The following UNC5A variants were observed in gnomAD, a reference collection of about 807,000 sequenced individuals.
UNC5A encodes netrin receptor UNC5A.
UNC5A carries 20 observed loss-of-function variants against 87.4 expected under a neutral mutation model. The observed-to-expected ratio is 0.23, with a 90% CI of 0.16 to 0.33. UNC5A has a LOEUF of 0.33. Ranked by LOEUF, UNC5A falls within the 10% of genes least tolerant of loss-of-function variation. The pLI is 1.00. For missense variants in UNC5A, 844 were observed against 1,133.4 expected, an observed-to-expected ratio of 0.74 and a Z score of 3.67; for synonymous variants, 438 against 482.3, an observed-to-expected ratio of 0.91 and a Z score of 1.20.
At chr5:176,815,444 G>A (rs930144245) in intron 1 of UNC5A, among the ~76,000 whole-genome samples, 1 of 152,200 alleles carries the variant, frequency 6.6e-6, no homozygotes, top group Non-Finnish European at 1.5e-5. Context: ...AGGCAGTCAG[G>A]GTCAACTTCC....
chr5:176,832,754 G>T (rs1179097342), intron 1 of UNC5A, among the ~76,000 whole-genome samples: 1 of 152,240 alleles, frequency 6.6e-6, no homozygotes, highest in African/African-American at 2.4e-5. Context: ...AGTGGACTCA[G>T]ATCTGAGTTT....
In UNC5A at chr5:176,868,948, T is replaced by G. The variant is rs1758042002; in HGVS notation, c.705T>G (p.Ala235=). The change falls in exon 5 of 15, where the codon GCT becomes GCG. Residue 235 remains alanine (A), a synonymous_variant. Transcript: ENST00000329542. The part of the protein sequence containing the change: ...NIVARRRSAS[A]AVIVYVDGSW... ...TGGCACGTCGCCGCAGCGCCTCCGC[T>G]GCTGTCATCGTCTACGGTGGGCCCC... 1 of 1,607,650 alleles carries G rather than the reference T, an allele frequency of 6.2e-7. No homozygotes were observed.
At chr5:176,840,566 A>T (rs1349723329) in intron 1 of UNC5A, among the ~76,000 whole-genome samples, 1 of 152,136 alleles carries the variant, frequency 6.6e-6, no homozygotes, top group Admixed American at 6.5e-5. Flanking sequence ...TCTAGGATCC[A>T]TTGGTCCGGA....
rs775989875 is a variant in UNC5A, at chr5:176,874,660, G to A, written c.1378+94G>A. On this transcript the variant is annotated intron_variant, in intron 8 of 14. Coordinates refer to ENST00000329542, the MANE Select transcript of UNC5A (RefSeq NM_133369.3). The surrounding 1 kb of genome is among the most constrained non-coding windows in gnomAD (Gnocchi z 7.6). ...TTCCTCTCGTGCCCCTCGGTGTCCC[G>A]TGACAGATCAGCAAGGAAAGGGGGT... 189 of 1,385,390 alleles carry A rather than the reference G, an allele frequency of 1.4e-4. 1 individual carries two copies. The highest frequency in any genetic ancestry group is 2.4e-4 in the Admixed American group (9 of 37,138). The allele number at this position is 1,385,390 out of a possible 1,614,324, so 85.8% of individuals were successfully genotyped here.
intron 3 of UNC5A, 127 bp downstream of exon 3, chr5:176,868,400 A>T: frequency 6.7e-7 from 1 of 1,499,610 alleles, no homozygotes; most frequent in Non-Finnish European, 9.1e-7. Context: ...GGATGAGTGG[A>T]TAAAGTGCCT....
chr5:176,870,569 T>G, intron 6 of UNC5A, 35 bp downstream of exon 6: 2 of 1,544,392 alleles, frequency 1.3e-6, no homozygotes, highest in South Asian at 2.4e-5. Context: ...CTCTTCTGTT[T>G]GCCTGGATTG....
At chr5:176,823,222 G>T (rs1756771899) in intron 1 of UNC5A, among the ~76,000 whole-genome samples, 1 of 151,712 alleles carries the variant, frequency 6.6e-6, no homozygotes, top group Non-Finnish European at 1.5e-5. Flanking sequence ...CAGAGCTCTG[G>T]AGCCTGGGGA....
intron 1 of UNC5A, among the ~76,000 whole-genome samples, chr5:176,811,723 G>A (rs1031660855): frequency 1.3e-5 from 2 of 152,088 alleles, no homozygotes; most frequent in Non-Finnish European, 2.9e-5. Context: ...GCTGAGTTGA[G>A]CGTATGTGTC....
intron 1 of UNC5A, among the ~76,000 whole-genome samples, chr5:176,843,774 C>CG (rs1444777737): frequency 3.3e-5 from 5 of 152,190 alleles, no homozygotes; most frequent in Non-Finnish European, 5.9e-5. Context: ...CCAAGGAGGG[C>CG]GCCTCTCCTC....
chr5:176,821,525 T>G (rs1756727860), intron 1 of UNC5A, among the ~76,000 whole-genome samples: 1 of 152,196 alleles, frequency 6.6e-6, no homozygotes, highest in Non-Finnish European at 1.5e-5. Context: ...GTGGTCAGCA[T>G]TCTGCCTCCT....
At position 176,874,634 on chromosome 5, in the gene UNC5A, G is replaced by A. The variant is rs936384061; in HGVS notation, c.1378+68G>A. 1.6e-5 allele frequency: 24 copies of A among 1,465,390 alleles called. No homozygotes were observed. The highest frequency in any genetic ancestry group is 7.5e-5 in the Admixed American group (3 of 40,090). 90.8% of individuals were successfully genotyped at this position (1,465,390 alleles called of 1,614,324 possible). On this transcript the variant is annotated intron_variant, in intron 8 of 14. Transcript: ENST00000329542. This position sits in a 1 kb window ranked among gnomAD's most constrained non-coding sequence, Gnocchi z 7.6. ...CTGGAGGAGGACGGGACAGCCGGACGTTCCTCTCGTGCCCCTCGGTGTCCC... is the reference window on the plus strand; with the variant it reads ...CTGGAGGAGGACGGGACAGCCGGACATTCCTCTCGTGCCCCTCGGTGTCCC...
At chr5:176,831,885 CT>C (rs10580672) in intron 1 of UNC5A, among the ~76,000 whole-genome samples, 502 of 27,650 alleles carry the variant, frequency 0.018, 1 homozygote, top group Middle Eastern at 0.037. Context: ...TTCTCTCTCT[CT>C]TTTTTTTTTT....
At position 176,830,236 on chromosome 5, in the gene UNC5A, T is replaced by C. The variant is rs145498508; in HGVS notation, c.70+19416T>C. 8.1e-4 allele frequency among the ~76,000 whole-genome samples: 123 copies of C among 152,292 alleles called. No individual in the cohort carries two copies. In the South Asian group the frequency reaches 9.5e-3, roughly 12 times the overall value. ...TGCCAGTCGTCTTGGCTGGGGACCC[T>C]CTACTCCCTTCCCAGGAGCTCCCAA... On this transcript the variant is annotated intron_variant, in intron 1 of 14. Transcript: ENST00000329542.
chr5:176,843,280 C>T (rs1757323700), intron 1 of UNC5A, among the ~76,000 whole-genome samples: 1 of 152,138 alleles, frequency 6.6e-6, no homozygotes. Flanking sequence ...GGGGCACTGC[C>T]CAGCAGGGGA....
At position 176,844,196 on chromosome 5, in the gene UNC5A, G is replaced by T. The variant is rs574020013; in HGVS notation, c.71-18428G>T. ...TCCATGCTGATTGTAGCGTCTCAGG[G>T]GACAGATCAGAGGCCCCAGGCCTTG... On this transcript the variant is annotated intron_variant, in intron 1 of 14. Transcript: ENST00000329542. The surrounding 1 kb of genome is among the most constrained non-coding windows in gnomAD (Gnocchi z 4.2). 4.6e-5 allele frequency among the ~76,000 whole-genome samples: 7 copies of T among 152,238 alleles called. 1 individual carries two copies. The South Asian group carries it at 1.2e-3, about 27-fold the overall frequency.
Position 176,874,577 on chromosome 5 carries a change from C to A in UNC5A, c.1378+11C>A, listed in dbSNP as rs1409872502. 25 of 1,513,352 alleles carry A rather than the reference C, an allele frequency of 1.7e-5. No homozygotes were observed. Among genetic ancestry groups the A allele is most frequent in the Non-Finnish European group, 2.0e-5 (22 of 1,127,994 alleles). The allele number at this position is 1,513,352 out of a possible 1,614,324, so 93.7% of individuals were successfully genotyped here. On this transcript the variant is annotated intron_variant, in intron 8 of 14. Coordinates refer to ENST00000329542, the MANE Select transcript of UNC5A (RefSeq NM_133369.3). The surrounding 1 kb of genome is among the most constrained non-coding windows in gnomAD (Gnocchi z 7.6). ...TGATCCCTAATACAGGTAGGAAGGA[C>A]CCCAGGGGGCTCTGAGAGCTCCACT...
intron 1 of UNC5A, among the ~76,000 whole-genome samples, chr5:176,831,548 C>G (rs954041496): frequency 6.6e-6 from 1 of 152,248 alleles, no homozygotes; most frequent in African/African-American, 2.4e-5. Context: ...TGGAAGGGGC[C>G]TAGCCGTGGG....
chr5:176,820,120 G>A lies in UNC5A; in HGVS notation c.70+9300G>A, dbSNP rs189477772. On this transcript the variant is annotated intron_variant, in intron 1 of 14. Transcript: ENST00000329542. Reference sequence around the variant, plus strand: ...TACTAAAAATACAAAATGTTGGGCCGGGCACGGTGGCTCATGCCTGTAATC... The same window carrying A: ...TACTAAAAATACAAAATGTTGGGCCAGGCACGGTGGCTCATGCCTGTAATC... Among the ~76,000 whole-genome samples, 970 of 152,288 alleles carry A rather than the reference G, an allele frequency of 6.4e-3. 15 individuals carry two copies. The highest frequency in any genetic ancestry group is 0.022 in the African/African-American group (899 of 41,538).
chr5:176,866,106 G>T lies in UNC5A; in HGVS notation c.293-2024G>T, dbSNP rs144495389. ...CAGGTTCACACACACACCCGCCCAGGCCCACTGGCCCGGGGTCCCTCCCCA... is the reference window on the plus strand; with the variant it reads ...CAGGTTCACACACACACCCGCCCAGTCCCACTGGCCCGGGGTCCCTCCCCA... On this transcript the variant is annotated intron_variant, in intron 2 of 14. Transcript: ENST00000329542. This position sits in a 1 kb window ranked among gnomAD's most constrained non-coding sequence, Gnocchi z 5.0. Among the ~76,000 whole-genome samples the T allele has an allele frequency of 5.8e-3, 878 of 152,258 alleles. 5 individuals are homozygous for T. Among genetic ancestry groups the T allele is most frequent in the South Asian group, 0.014 (66 of 4,824 alleles).
Sources: gnomAD v4.1 joint callset for allele counts (sites outside exome capture counted in the v4.1 genomes callset) on GRCh38, gnomAD v4.1.1 for gene constraint, Gnocchi (gnomAD v3.1) non-coding constraint, MANE v1.5 for transcripts, NCBI Gene and HGNC (gene_info 2026-07-23, HGNC 2026-07-21) for gene names.